PCDHGB2: variants seen among roughly 807,000 people sequenced by gnomAD.
PCDHGB2 encodes protocadherin gamma-B2.
PCDHGB2 carries 55 observed loss-of-function variants against 59.3 expected under a neutral mutation model. The ratio of observed to expected loss-of-function variants is 0.93; its 90% CI spans 0.75 to 1.16. The LOEUF is 1.16. Ranked by LOEUF, PCDHGB2 falls within the 50% of genes most tolerant of loss-of-function variation. PCDHGB2 has a pLI of 0.00. For synonymous variants in PCDHGB2, 516 were observed against 512.0 expected, an observed-to-expected ratio of 1.01 and a Z score of -0.11; for missense variants, 1,228 against 1,198.5, an observed-to-expected ratio of 1.02 and a Z score of -0.36.
Position 141,432,038 on chromosome 5 carries a change from C to G in PCDHGB2, c.2422-62769C>G, listed in dbSNP as rs202246871. ...CAACATCACAGTGACCGCCACTGAC[C>G]GGGGAACCCCGCCCCTATCCACGGA... On this transcript the variant is annotated intron_variant, in intron 1 of 3. Transcript: ENST00000522605. This position sits in a 1 kb window ranked among gnomAD's most constrained non-coding sequence, Gnocchi z 6.0. 2 of 1,614,190 alleles carry G rather than the reference C, an allele frequency of 1.2e-6. No homozygotes were observed. The highest frequency in any genetic ancestry group is 8.5e-7 in the Non-Finnish European group (1 of 1,180,032).
At position 141,490,341 on chromosome 5, in the gene PCDHGB2, A is replaced by C. The variant is rs778299384; in HGVS notation, c.2422-4466A>C. ...TCCTAGAGAGCACACCAGTGGGCACAGTAGTGGGGTTGTTTAATGTGCGAG... is the reference window on the plus strand; with the variant it reads ...TCCTAGAGAGCACACCAGTGGGCACCGTAGTGGGGTTGTTTAATGTGCGAG... On this transcript the variant is annotated intron_variant, in intron 1 of 3. Coordinates refer to ENST00000522605, the MANE Select transcript of PCDHGB2 (RefSeq NM_018923.3). This position sits in a 1 kb window ranked among gnomAD's most constrained non-coding sequence, Gnocchi z 5.4. The C allele has an allele frequency of 5.0e-6, 8 of 1,614,204 alleles. No homozygotes were observed. The South Asian group carries it at 8.8e-5, about 18-fold the overall frequency.
chr5:141,395,813 A>G (rs1201631661), intron 1 of PCDHGB2: 2 of 152,062 alleles, frequency 1.3e-5, no homozygotes, highest in East Asian at 3.9e-4. Context: ...CAAAACATGA[A>G]CAAACTTTAA....
Position 141,368,541 on chromosome 5 carries a change from T to A in PCDHGB2, c.2421+5985T>A, listed in dbSNP as rs544013276. Among the ~76,000 whole-genome samples, 312 of 152,078 alleles carry A rather than the reference T, an allele frequency of 2.1e-3. 1 individual carries two copies. Among genetic ancestry groups the A allele is most frequent in the Middle Eastern group, 0.01 (3 of 292 alleles). On this transcript the variant is annotated intron_variant, in intron 1 of 3. Transcript: ENST00000522605. ...TCCTATGTGAAAACTTGCTTTTCCA[T>A]TTTTTTTAAAAGAAAATGTTATATG...
chr5:141,390,373 AT>A, intron 1 of PCDHGB2: 1 of 1,481,206 alleles, frequency 6.8e-7, no homozygotes, highest in Non-Finnish European at 9.2e-7. Flanking sequence ...AAAATATATA[AT>A]TTTTAGATGT....
At chr5:141,480,942 G>T (rs2099528600) in intron 1 of PCDHGB2, among the ~76,000 whole-genome samples, 3 of 152,132 alleles carry the variant, frequency 2.0e-5, no homozygotes, top group Non-Finnish European at 2.9e-5. Flanking sequence ...CTACTCTAGA[G>T]GCTGAGGCGG....
Position 141,431,241 on chromosome 5 carries a change from A to T in PCDHGB2, c.2422-63566A>T. On this transcript the variant is annotated intron_variant, in intron 1 of 3. Coordinates refer to ENST00000522605, the MANE Select transcript of PCDHGB2 (RefSeq NM_018923.3). This position sits in a 1 kb window ranked among gnomAD's most constrained non-coding sequence, Gnocchi z 4.8. ...CCTCTACCCCACGCCTGGGATCCGG[A>T]TATCGGGAAGAACTCTCTGCAGAGC... The T allele has an allele frequency of 6.2e-7, 1 of 1,614,138 alleles. No individual in the cohort carries two copies. The highest frequency in any genetic ancestry group is 8.5e-7 in the Non-Finnish European group (1 of 1,180,046).
rs2099686717 is a variant in PCDHGB2, at chr5:141,489,403, A to C, written c.2422-5404A>C. The C allele has an allele frequency of 6.2e-7, 1 of 1,614,172 alleles. No homozygotes were observed. Among genetic ancestry groups the C allele is most frequent in the East Asian group, 2.2e-5 (1 of 44,884 alleles). On this transcript the variant is annotated intron_variant, in intron 1 of 3. Coordinates refer to ENST00000522605, the MANE Select transcript of PCDHGB2 (RefSeq NM_018923.3). The surrounding 1 kb of genome is among the most constrained non-coding windows in gnomAD (Gnocchi z 4.5). ...GAATGTTGCTCAGGATCTGGGCTTA[A>C]AGATGACAGATCTGTTGAGCCGGCG...
At chr5:141,436,181 T>C (rs1050736907) in intron 1 of PCDHGB2, among the ~76,000 whole-genome samples, 2 of 152,092 alleles carry the variant, frequency 1.3e-5, no homozygotes, top group African/African-American at 4.8e-5. Flanking sequence ...TCATATATAG[T>C]CAAATAGAAA....
chr5:141,393,739 A>G (rs1589203711), intron 1 of PCDHGB2: 1 of 1,613,800 alleles, frequency 6.2e-7, no homozygotes, highest in Non-Finnish European at 8.5e-7. Flanking sequence ...AGTCTAGATT[A>G]TGAAGAATGT....
intron 1 of PCDHGB2, among the ~76,000 whole-genome samples, chr5:141,406,273 G>C (rs1366399912): frequency 6.6e-6 from 1 of 151,898 alleles, no homozygotes; most frequent in Non-Finnish European, 1.5e-5. Context: ...TCCTGCTTCA[G>C]TTTCCCAAAG....
intron 1 of PCDHGB2, chr5:141,419,102 A>G (rs201327680): frequency 4.5e-5 from 73 of 1,613,748 alleles, no homozygotes; most frequent in Non-Finnish European, 5.9e-5. Flanking sequence ...TCGGGAGCAG[A>G]CCCCAGAGTA....
intron 1 of PCDHGB2, among the ~76,000 whole-genome samples, chr5:141,448,855 G>A (rs2098611434): frequency 6.6e-6 from 1 of 152,172 alleles, no homozygotes. Context: ...TGAGGCAGGA[G>A]AATGGCGTGA....
chr5:141,374,274 T>C lies in PCDHGB2; in HGVS notation c.2421+11718T>C, dbSNP rs981240859. ...CCCCAGGAGTTGGCGGAGCACGGAG[T>C]CCGCATCGTCTCCAGAGGTAGGATG... On this transcript the variant is annotated intron_variant, in intron 1 of 3. Transcript: ENST00000522605. The C allele has an allele frequency of 6.2e-7, 1 of 1,613,742 alleles. No homozygotes were observed. Among genetic ancestry groups the C allele is most frequent in the African/African-American group, 1.3e-5 (1 of 74,888 alleles).
chr5:141,388,043 C>T (rs952133270), intron 1 of PCDHGB2: 6 of 1,412,324 alleles, frequency 4.2e-6, no homozygotes, highest in Middle Eastern at 5.0e-4. Flanking sequence ...TCGCCACGGA[C>T]CTGGGGTTCA....
chr5:141,486,803 C>T lies in PCDHGB2; in HGVS notation c.2422-8004C>T. 1 of 1,614,228 alleles carries T rather than the reference C, an allele frequency of 6.2e-7. No homozygotes were observed. Among genetic ancestry groups the T allele is most frequent in the South Asian group, 1.1e-5 (1 of 91,084 alleles). ...GCAGGCCCGGGATCGGGGCAACCCACCCCTTAGCAGCACTGTAACAGTTCG... is the reference window on the plus strand; with the variant it reads ...GCAGGCCCGGGATCGGGGCAACCCATCCCTTAGCAGCACTGTAACAGTTCG... On this transcript the variant is annotated intron_variant, in intron 1 of 3. Coordinates refer to ENST00000522605, the MANE Select transcript of PCDHGB2 (RefSeq NM_018923.3). The surrounding 1 kb of genome is among the most constrained non-coding windows in gnomAD (Gnocchi z 5.0).
At chr5:141,383,064 G>A (rs1384491005) in intron 1 of PCDHGB2, 1 of 1,613,928 alleles carries the variant, frequency 6.2e-7, no homozygotes, top group Non-Finnish European at 8.5e-7. Flanking sequence ...TGGGGCTGGA[G>A]CCCCGGGAGC....
rs777058727 is a variant in PCDHGB2 at position 141,431,947 on chromosome 5, A to G, written c.2422-62860A>G. 6 of 1,614,052 alleles carry G rather than the reference A, an allele frequency of 3.7e-6. No homozygotes were observed. The highest frequency in any genetic ancestry group is 2.2e-5 in the East Asian group (1 of 44,894). ...GAAATCTGCCCTTTAAATTAGAAAAATCTTACGGAAATTACTATAGTTTAG... is the reference window on the plus strand; with the variant it reads ...GAAATCTGCCCTTTAAATTAGAAAAGTCTTACGGAAATTACTATAGTTTAG... On this transcript the variant is annotated intron_variant, in intron 1 of 3. Transcript: ENST00000522605. This position sits in a 1 kb window ranked among gnomAD's most constrained non-coding sequence, Gnocchi z 4.8.
chr5:141,478,671 A>G (rs996413401), intron 1 of PCDHGB2: 19 of 1,551,538 alleles, frequency 1.2e-5, no homozygotes, highest in Non-Finnish European at 1.7e-5. Context: ...TCACACTTTC[A>G]ACTGGCCCTT....
intron 1 of PCDHGB2, among the ~76,000 whole-genome samples, chr5:141,368,789 T>C (rs1765858310): frequency 6.6e-6 from 1 of 152,196 alleles, no homozygotes; most frequent in East Asian, 1.9e-4. Context: ...TGAAGAATAA[T>C]TTTTCATACT....
Sources: gnomAD v4.1 joint callset for allele counts (sites outside exome capture counted in the v4.1 genomes callset) on GRCh38, gnomAD v4.1.1 for gene constraint, Gnocchi (gnomAD v3.1) non-coding constraint, MANE v1.5 for transcripts, NCBI Gene and HGNC (gene_info 2026-07-23, HGNC 2026-07-21) for gene names.